GLDN: variants seen among roughly 807,000 people sequenced by gnomAD.
GLDN encodes collomin.
A neutral mutation model predicts 56.5 loss-of-function variants in GLDN; 47 were observed. The ratio of observed to expected loss-of-function variants is 0.83; its 90% confidence interval spans 0.66 to 1.06. The LOEUF (loss-of-function observed/expected upper bound fraction) is 1.06. Ranked by LOEUF, GLDN falls within the 50% of genes least tolerant of loss-of-function variation. The probability of loss-of-function intolerance (pLI) is 0.00; values close to 1 mark genes in which losing one functional copy is unlikely to be tolerated. For missense variants in GLDN, 782 were observed against 714.3 expected (o/e 1.09, Z -1.08); for synonymous variants, 332 against 278.8 (o/e 1.19, Z -1.90).
At chr15:51,383,268 T>G (rs1362698547) in intron 2 of GLDN, among the ~76,000 whole-genome samples, 168 bp from the exon 3 acceptor site, 1 of 152,236 alleles carries the variant, frequency 6.6e-6, no homozygotes, top group Non-Finnish European at 1.5e-5. Flanking sequence ...TGGGTCTTTG[T>G]TGAATTGCTT....
chr15:51,405,959 A>G lies in GLDN; in HGVS notation c.*1205A>G, dbSNP rs910371370. 6.6e-5 allele frequency: 10 copies of G among 152,170 alleles called. No individual in the cohort carries two copies. The highest frequency in any genetic ancestry group is 1.3e-4 in the Non-Finnish European group (9 of 68,038). The allele number at this position is 152,170 out of a possible 1,614,324, so 9.4% of individuals were successfully genotyped here. ...ACAGTGCCTAAAATATTGACCAGCT[A>G]CCCCTTTATGGAAAAAGATTGCTGA... is the stretch of plus-strand genomic sequence containing the variant. On this transcript the variant is annotated 3_prime_UTR_variant, in exon 10 of 10. Coordinates refer to ENST00000335449, the MANE Select transcript of GLDN (RefSeq NM_181789.4).
At chr15:51,412,772 C>T (rs560128886), downstream of GLDN, among the ~76,000 whole-genome samples, 3 of 152,026 alleles carry the variant, frequency 2.0e-5, no homozygotes, top group African/African-American at 7.2e-5. Context: ...TGGTGGGCTG[C>T]CTTTTTTTTG....
In GLDN at chr15:51,383,963, A is replaced by G. The variant is rs781021934; in HGVS notation, c.541+71A>G. On this transcript the variant is annotated intron_variant, in intron 4 of 9. Coordinates refer to ENST00000335449, the MANE Select transcript of GLDN (RefSeq NM_181789.4). Reference sequence around the variant, plus strand: ...CATGATTGCATTTGGGTCGACTAAAACTGTGTGCAGCAGGGGTAAGGTGTT... The same window carrying G: ...CATGATTGCATTTGGGTCGACTAAAGCTGTGTGCAGCAGGGGTAAGGTGTT... 23 of 1,147,096 alleles carry G rather than the reference A, an allele frequency of 2.0e-5. No individual in the cohort carries two copies. The African/African-American group carries it at 3.5e-4, about 17-fold the overall frequency. 71.1% of individuals were successfully genotyped at this position (1,147,096 alleles called of 1,614,324 possible). A position where few individuals can be genotyped will look rare whatever the true frequency, so the allele number is the denominator to read the frequency against.
At chr15:51,410,384 C>T (rs1397987482), downstream of GLDN, among the ~76,000 whole-genome samples, 2 of 152,222 alleles carry the variant, frequency 1.3e-5, no homozygotes, top group African/African-American at 4.8e-5. Context: ...CAGAGAGCCG[C>T]TTTGCCCAAG....
rs574128889 is a variant in GLDN at position 51,393,654 on chromosome 15, C to T, written c.542-1181C>T. 4.6e-5 allele frequency among the ~76,000 whole-genome samples: 7 copies of T among 152,278 alleles called. No individual in the cohort carries two copies. The South Asian group carries it at 1.5e-3, about 32-fold the overall frequency. Reference sequence around the variant, plus strand: ...TGCAAATTCTAGCCGTCTCCTTCTCCCCAAACTCTGATTTTTGGCCCCTCA... The same window carrying T: ...TGCAAATTCTAGCCGTCTCCTTCTCTCCAAACTCTGATTTTTGGCCCCTCA... On this transcript the variant is annotated intron_variant, in intron 4 of 9. Transcript: ENST00000335449.
At chr15:51,411,074 T>C (rs2038459855), downstream of GLDN, among the ~76,000 whole-genome samples, 1 of 152,304 alleles carries the variant, frequency 6.6e-6, no homozygotes, top group East Asian at 1.9e-4. Context: ...TGTTTGAGAT[T>C]TGGGCGAAAT....
In GLDN at chr15:51,341,892, G is replaced by A. The variant is rs779303694; in HGVS notation, c.208G>A (p.Ala70Thr). 1.3e-6 allele frequency: 2 copies of A among 1,584,126 alleles called. No individual in the cohort carries two copies. The highest frequency in any genetic ancestry group is 1.7e-6 in the Non-Finnish European group (2 of 1,173,188). Residue 70 changes from alanine (A) to threonine (T), a missense_variant, in exon 1 of 10, where the codon GCC (alanine) becomes ACC (threonine). Physicochemically the swap from Ala to Thr is moderately conservative, Grantham distance 58. Transcript: ENST00000335449. ...GGACAGTGCCCTGCGCTCCTTCCTG[G>A]CCGAGTTGAGCCGCGCGCCGCGCGG... ...REDSALRSFLAELSRAPRGAS... is the reference protein window; with the variant it reads ...REDSALRSFLTELSRAPRGAS...
intron 1 of GLDN, among the ~76,000 whole-genome samples, chr15:51,345,172 C>T (rs2036956167): frequency 6.6e-6 from 1 of 152,194 alleles, no homozygotes; most frequent in Admixed American, 6.5e-5. Flanking sequence ...ATCAGCTACC[C>T]TCTCTCATTC....
intron 1 of GLDN, among the ~76,000 whole-genome samples, chr15:51,355,634 C>T (rs1241846323): frequency 6.6e-6 from 1 of 150,818 alleles, no homozygotes; most frequent in Non-Finnish European, 1.5e-5. Context: ...AGCGATTCTC[C>T]TGCCTCAGCC....
chr15:51,365,796 T>G (rs2141070521), intron 1 of GLDN, among the ~76,000 whole-genome samples: 1 of 152,342 alleles, frequency 6.6e-6, no homozygotes, highest in Middle Eastern at 3.4e-3. Context: ...CTTCTTCTGC[T>G]TTTATGTATA....
chr15:51,386,837 A>C (rs144490179), intron 4 of GLDN, among the ~76,000 whole-genome samples: 3 of 152,186 alleles, frequency 2.0e-5, no homozygotes, highest in Non-Finnish European at 4.4e-5. Flanking sequence ...GCTCGACTGG[A>C]TGGATGGGTA....
intron 1 of GLDN, among the ~76,000 whole-genome samples, chr15:51,348,998 G>T (rs551456560): frequency 5.9e-5 from 9 of 152,180 alleles, no homozygotes; most frequent in Non-Finnish European, 8.8e-5. Flanking sequence ...TCAGTTTTTT[G>T]TTGTTTTTTG....
intron 1 of GLDN, among the ~76,000 whole-genome samples, chr15:51,353,097 A>G (rs1454384458): frequency 6.6e-6 from 1 of 152,188 alleles, no homozygotes; most frequent in Non-Finnish European, 1.5e-5. Flanking sequence ...ATTCTGATGG[A>G]TCAGCTGGCA....
chr15:51,395,300 A>C (rs1261378431), intron 5 of GLDN, among the ~76,000 whole-genome samples: 1 of 152,220 alleles, frequency 6.6e-6, no homozygotes, highest in African/African-American at 2.4e-5. Context: ...TAAGCAGGCA[A>C]CTTACGACAC....
chr15:51,368,643 T>C (rs73395962), intron 1 of GLDN, among the ~76,000 whole-genome samples: 17,602 of 151,320 alleles, frequency 0.12, 1,948 homozygotes, highest in African/African-American at 0.29. Flanking sequence ...TACAAAGAAA[T>C]GTTCATGAAC....
intron 2 of GLDN, among the ~76,000 whole-genome samples, chr15:51,379,507 C>T (rs781530325): frequency 2.0e-5 from 3 of 152,198 alleles, no homozygotes; most frequent in Non-Finnish European, 2.9e-5. Context: ...ATATCAATCA[C>T]GGATCAATGC....
chr15:51,347,712 A>G (rs149157943), intron 1 of GLDN, among the ~76,000 whole-genome samples: 61 of 152,358 alleles, frequency 4.0e-4, no homozygotes, highest in African/African-American at 1.4e-3. Flanking sequence ...CAATCTCACC[A>G]TAGATTTTAT....
At chr15:51,377,295 TA>T in intron 1 of GLDN, 153 bp from the exon 2 acceptor site, 1 of 605,526 alleles carries the variant, frequency 1.7e-6, no homozygotes, top group Non-Finnish European at 3.0e-6. Flanking sequence ...GCAGCATCAC[TA>T]GGTGGGACAT....
intron 1 of GLDN, among the ~76,000 whole-genome samples, chr15:51,355,352 C>A (rs2037154191): frequency 6.6e-6 from 1 of 152,092 alleles, no homozygotes; most frequent in Non-Finnish European, 1.5e-5. Flanking sequence ...TAACTTCCAG[C>A]CATTGCCATG....
Sources: allele counts gnomAD v4.1 joint callset (sites outside exome capture counted in the v4.1 genomes callset), GRCh38; gene constraint gnomAD v4.1.1; transcripts MANE v1.5; gene names NCBI Gene and HGNC (gene_info 2026-07-23, HGNC 2026-07-21).